The following DAB1 variants were observed in gnomAD, a reference collection of about 807,000 sequenced individuals.
DAB1 encodes DAB adaptor protein 1.
DAB1 carries 15 observed loss-of-function variants against 64.6 expected under a neutral mutation model. The observed-to-expected ratio is 0.23, with a 90% CI of 0.16 to 0.36. DAB1 has a LOEUF of 0.36. Ranked by LOEUF, DAB1 falls within the 10% of genes least tolerant of loss-of-function variation. DAB1 has a pLI of 1.00. For missense variants in DAB1, 596 were observed against 706.7 expected, an observed-to-expected ratio of 0.84 and a Z score of 1.78; for synonymous variants, 235 against 251.9, an observed-to-expected ratio of 0.93 and a Z score of 0.64.
intron 5 of DAB1, among the ~76,000 whole-genome samples, chr1:57,946,472 T>C (rs1052963218): frequency 6.6e-6 from 1 of 152,238 alleles, no homozygotes; most frequent in Non-Finnish European, 1.5e-5. Flanking sequence ...ATCCACTTTC[T>C]CCACCTTCTC....
chr1:57,935,107 CA>C (rs1342598741), intron 5 of DAB1, among the ~76,000 whole-genome samples: 12 of 152,172 alleles, frequency 7.9e-5, no homozygotes, highest in African/African-American at 2.9e-4. Context: ...TAACGCCTGC[CA>C]CAGAGGATAA....
At chr1:57,356,215 C>A (rs75751307) in intron 1 of DAB1, among the ~76,000 whole-genome samples, 12,349 of 152,084 alleles carry the variant, frequency 0.081, 548 homozygotes, top group Middle Eastern at 0.12. Flanking sequence ...CAGCTCCCTG[C>A]TCCTTTTCAA....
Position 57,944,804 on chromosome 1 carries a change from G to A in DAB1, n.388-60642C>T, listed in dbSNP as rs190237308. On this transcript the variant is annotated intron_variant and non_coding_transcript_variant, in intron 5 of 20. Coordinates refer to the DAB1 transcript ENST00000485760. The stretch of plus-strand genomic sequence containing the variant: ...CTGTACCTGGTCCACTCCTTGGCTT[G>A]TTAGAACACCTCATTCATGTGATCA... 2.8e-3 allele frequency among the ~76,000 whole-genome samples: 431 copies of A among 152,168 alleles called. 4 individuals are homozygous for A. The highest frequency in any genetic ancestry group is 9.7e-3 in the African/African-American group (403 of 41,504).
At chr1:57,241,633 T>C (rs1176183250) in intron 2 of DAB1, among the ~76,000 whole-genome samples, 1 of 152,186 alleles carries the variant, frequency 6.6e-6, no homozygotes, top group Non-Finnish European at 1.5e-5. Context: ...AGGTTTGCAG[T>C]TGTACATTGC....
chr1:57,321,658 C>T (rs1197411952), intron 1 of DAB1, among the ~76,000 whole-genome samples: 1 of 152,104 alleles, frequency 6.6e-6, no homozygotes, highest in African/African-American at 2.4e-5. Flanking sequence ...TCATAAAACC[C>T]AGGGTTCAAA....
At chr1:58,347,805 GCTAA>G (rs35746959) in intron 3 of DAB1, among the ~76,000 whole-genome samples, 41,833 of 151,844 alleles carry the variant, frequency 0.28, 7,023 homozygotes, top group Admixed American at 0.44. Flanking sequence ...GGAAAGAGAA[GCTAA>G]CTATTTCTCA....
upstream of DAB1, among the ~76,000 whole-genome samples, chr1:57,885,948 C>A (rs1239370847): frequency 6.6e-6 from 1 of 152,128 alleles, no homozygotes; most frequent in Non-Finnish European, 1.5e-5. Context: ...CAATTTCTAC[C>A]CTCCTGCTTA....
rs143287174 is a variant in DAB1, at chr1:57,408,487, A to G, written c.-137+15443T>C. Among the ~76,000 whole-genome samples the G allele has an allele frequency of 4.6e-3, 696 of 152,280 alleles. 5 individuals carry two copies. Among genetic ancestry groups the G allele is most frequent in the African/African-American group, 0.016 (645 of 41,560 alleles). Reference sequence around the variant, plus strand: ...AAGTCAGGATAGGTTTTACCACTAAATGAGTTACCCAAAATCTTGAGTTTC... The same window carrying G: ...AAGTCAGGATAGGTTTTACCACTAAGTGAGTTACCCAAAATCTTGAGTTTC... On this transcript the variant is annotated intron_variant, in intron 1 of 14. Transcript: ENST00000371236.
At chr1:58,301,727 T>C (rs150536816) in intron 4 of DAB1, among the ~76,000 whole-genome samples, 7 of 152,276 alleles carry the variant, frequency 4.6e-5, no homozygotes, top group African/African-American at 1.4e-4. Context: ...ACTATTCTTT[T>C]TGACTCTGGA....
intron 7 of DAB1, among the ~76,000 whole-genome samples, chr1:57,618,450 A>C (rs972010351): frequency 3.3e-5 from 5 of 150,752 alleles, no homozygotes; most frequent in African/African-American, 4.9e-5. Context: ...GCAGGCTGAC[A>C]AGTCTTCCTT....
intron 6 of DAB1, among the ~76,000 whole-genome samples, chr1:57,699,590 A>T (rs1161521089): frequency 6.6e-6 from 1 of 152,014 alleles, no homozygotes; most frequent in Admixed American, 6.6e-5. Flanking sequence ...AGAAGAAGTG[A>T]CTCTAACTTA....
intron 4 of DAB1, among the ~76,000 whole-genome samples, chr1:58,290,885 T>C (rs1295039940): frequency 6.6e-6 from 1 of 152,148 alleles, no homozygotes; most frequent in Admixed American, 6.5e-5. Context: ...AGGTGCCGCA[T>C]TGCTGAGAGC....
chr1:58,438,932 C>T (rs1002044551), intron 3 of DAB1, among the ~76,000 whole-genome samples: 1 of 152,118 alleles, frequency 6.6e-6, no homozygotes, highest in South Asian at 2.1e-4. Flanking sequence ...TTTGGAAGAA[C>T]TGGACCTAAG....
At chr1:57,110,364 A>C (rs930202320) in intron 4 of DAB1, among the ~76,000 whole-genome samples, 1 of 152,202 alleles carries the variant, frequency 6.6e-6, no homozygotes, top group Admixed American at 6.5e-5. Context: ...TCTGCAAGCA[A>C]CCGGACACTG....
intron 4 of DAB1, among the ~76,000 whole-genome samples, chr1:57,125,282 G>T (rs1012390551): frequency 2.0e-5 from 3 of 152,176 alleles, no homozygotes; most frequent in Admixed American, 6.5e-5. Flanking sequence ...CCCTCCTCTG[G>T]CAGGGCACAG....
chr1:58,435,095 C>T (rs1248612447), intron 3 of DAB1, among the ~76,000 whole-genome samples: 1 of 152,144 alleles, frequency 6.6e-6, no homozygotes, highest in East Asian at 1.9e-4. Context: ...CTTGGGACCC[C>T]TTTACTGGTT....
At chr1:58,142,340 G>A (rs1654335298) in intron 5 of DAB1, among the ~76,000 whole-genome samples, 1 of 152,232 alleles carries the variant, frequency 6.6e-6, no homozygotes, top group Non-Finnish European at 1.5e-5. Flanking sequence ...AGTGAGCTAA[G>A]CATATGATTT....
intron 3 of DAB1, among the ~76,000 whole-genome samples, chr1:58,348,562 A>G (rs910919471): frequency 2.0e-5 from 3 of 152,254 alleles, no homozygotes; most frequent in African/African-American, 7.2e-5. Flanking sequence ...AGTAGACTCT[A>G]GCTTGGGTCT....
chr1:57,181,267 A>T (rs1191566005), intron 2 of DAB1, among the ~76,000 whole-genome samples: 1 of 152,212 alleles, frequency 6.6e-6, no homozygotes, highest in Non-Finnish European at 1.5e-5. Context: ...TCTACAGAAG[A>T]AAGGCTTGCT....
Sources: gnomAD v4.1 joint callset for allele counts (sites outside exome capture counted in the v4.1 genomes callset) on GRCh38, gnomAD v4.1.1 for gene constraint, MANE v1.5 for transcripts, NCBI Gene and HGNC (gene_info 2026-07-23, HGNC 2026-07-21) for gene names.